The following FGD6 variants were observed in gnomAD, a reference collection of about 807,000 sequenced individuals.
The protein encoded by FGD6 is FYVE, RhoGEF and PH domain-containing protein 6.
FGD6 carries 90 observed loss-of-function variants against 149.4 expected under a neutral mutation model. That is an observed-to-expected ratio of 0.60 (90% CI 0.51 to 0.72). The LOEUF (loss-of-function observed/expected upper bound fraction) is 0.72. FGD6 is among the 30% of genes least tolerant of loss of function. FGD6 has a pLI of 0.00. For synonymous variants in FGD6, 527 were observed against 584.0 expected (o/e 0.90, Z 1.41); for missense variants, 1,437 against 1,684.8 (o/e 0.85, Z 2.57).
At chr12:95,173,846 CA>C (rs2136284287) in intron 2 of FGD6, among the ~76,000 whole-genome samples, 1 of 152,148 alleles carries the variant, frequency 6.6e-6, no homozygotes, top group South Asian at 2.1e-4. Context: ...ACTCAACAGC[CA>C]AGGTTACAAG....
At chr12:95,101,181 CA>C (rs11364960) in intron 14 of FGD6, 122,864 of 139,188 alleles carry the variant, frequency 0.88, 54,208 homozygotes, top group East Asian at 0.99. Context: ...ACTAAAAATA[CA>C]AAAAAAAAAA....
chr12:95,127,792 T>C (rs1351344643), intron 8 of FGD6, among the ~76,000 whole-genome samples: 1 of 152,182 alleles, frequency 6.6e-6, no homozygotes, highest in Non-Finnish European at 1.5e-5. Flanking sequence ...CATAAATATT[T>C]TGAACAAGAT....
intron 5 of FGD6, among the ~76,000 whole-genome samples, chr12:95,147,936 A>G (rs1451982471): frequency 6.6e-6 from 1 of 152,080 alleles, no homozygotes; most frequent in Non-Finnish European, 1.5e-5. Context: ...CTCTCTCCAC[A>G]AGTCCCTGAA....
At position 95,078,373 on chromosome 12, in the gene FGD6, A is replaced by C. The variant is rs996303617; in HGVS notation, c.*3147T>G. 3.9e-5 allele frequency: 6 copies of C among 152,248 alleles called. No homozygotes were observed. Among genetic ancestry groups the C allele is most frequent in the Non-Finnish European group, 8.8e-5 (6 of 68,042 alleles). 9.4% of individuals were successfully genotyped at this position (152,248 alleles called of 1,614,324 possible). A position where few individuals can be genotyped will look rare whatever the true frequency, so the allele number is the denominator to read the frequency against. On this transcript the variant is annotated 3_prime_UTR_variant, in exon 21 of 21. Coordinates refer to ENST00000343958, the MANE Select transcript of FGD6 (RefSeq NM_018351.4). ...GAAGCACACTCCAAAACATACCAAC[A>C]TATGCTGTGATATAACATTTACATT... is the stretch of plus-strand genomic sequence containing the variant.
chr12:95,172,778 T>C (rs773380955), intron 2 of FGD6, 34 bp from the exon 3 acceptor site: 8 of 1,526,980 alleles, frequency 5.2e-6, no homozygotes, highest in Non-Finnish European at 7.1e-6. Flanking sequence ...TTAGTCACCT[T>C]CAATAATAAG....
At chr12:95,120,319 AATTT>A (rs578241788) in intron 8 of FGD6, among the ~76,000 whole-genome samples, 4 of 151,750 alleles carry the variant, frequency 2.6e-5, no homozygotes, top group East Asian at 1.9e-4. Context: ...CAGGGAGAAT[AATTT>A]ATTTATTTAT....
chr12:95,186,257 T>C (rs1881433633), intron 2 of FGD6, among the ~76,000 whole-genome samples: 1 of 52,248 alleles, frequency 1.9e-5, no homozygotes, highest in Non-Finnish European at 3.2e-5. Context: ...TTTTTTTTTT[T>C]TTTTTTTTTG....
intron 8 of FGD6, among the ~76,000 whole-genome samples, chr12:95,133,442 C>G (rs1016558428): frequency 2.0e-5 from 3 of 152,276 alleles, no homozygotes; most frequent in East Asian, 3.9e-4. Flanking sequence ...TGTCACTAGG[C>G]AAGCTTTGAA....
chr12:95,130,153 AAAGT>A (rs1395526211), intron 8 of FGD6, among the ~76,000 whole-genome samples: 10 of 150,582 alleles, frequency 6.6e-5, no homozygotes, highest in Non-Finnish European at 1.3e-4. Context: ...ATAGAAACCC[AAAGT>A]AAGTCCAGAA....
chr12:95,169,288 C>T (rs1880918623), intron 3 of FGD6, among the ~76,000 whole-genome samples: 1 of 150,792 alleles, frequency 6.6e-6, no homozygotes, highest in Non-Finnish European at 1.5e-5. Flanking sequence ...GTCTGTAACA[C>T]AATCACATAA....
chr12:95,126,793 T>C (rs541787995), intron 8 of FGD6, among the ~76,000 whole-genome samples: 4 of 149,962 alleles, frequency 2.7e-5, no homozygotes, highest in African/African-American at 9.8e-5. Flanking sequence ...CCAGACGTGG[T>C]AGTGGGCACC....
chr12:95,188,515 G>T (rs929125652), intron 2 of FGD6, among the ~76,000 whole-genome samples: 1 of 151,902 alleles, frequency 6.6e-6, no homozygotes, highest in African/African-American at 2.4e-5. Context: ...AACCTCATAG[G>T]GACAGAGTTT....
chr12:95,100,321 A>G (rs1165250524), intron 14 of FGD6, among the ~76,000 whole-genome samples: 1 of 152,168 alleles, frequency 6.6e-6, no homozygotes, highest in Non-Finnish European at 1.5e-5. Flanking sequence ...CTTCCCTCAT[A>G]GCTCTCCATA....
At chr12:95,104,045 A>G (rs1024606132) in intron 14 of FGD6, among the ~76,000 whole-genome samples, 2 of 152,234 alleles carry the variant, frequency 1.3e-5, no homozygotes, top group African/African-American at 4.8e-5. Context: ...CTTAAAAACA[A>G]TTTGAAATAG....
At chr12:95,113,791 C>A in intron 8 of FGD6, 90 bp from the exon 9 acceptor site, 2 of 804,784 alleles carry the variant, frequency 2.5e-6, no homozygotes, top group Non-Finnish European at 4.0e-6. Context: ...ATTAGTCTTG[C>A]TGGTTAATAT....
intron 5 of FGD6, among the ~76,000 whole-genome samples, chr12:95,142,385 C>T (rs558001707): frequency 1.3e-5 from 2 of 152,072 alleles, no homozygotes; most frequent in Admixed American, 6.6e-5. Flanking sequence ...CCTTCTGATT[C>T]GCCCGCCTCA....
At chr12:95,192,251 G>C (rs1268278776) in intron 2 of FGD6, among the ~76,000 whole-genome samples, 1 of 152,138 alleles carries the variant, frequency 6.6e-6, no homozygotes, top group Non-Finnish European at 1.5e-5. Context: ...AGAGCAGAAT[G>C]TACATGTATT....
At chr12:95,175,018 A>G (rs1881095507) in intron 2 of FGD6, among the ~76,000 whole-genome samples, 1 of 151,828 alleles carries the variant, frequency 6.6e-6, no homozygotes, top group African/African-American at 2.4e-5. Flanking sequence ...TTGGAAGGCT[A>G]TTATTAAGAA....
intron 2 of FGD6, among the ~76,000 whole-genome samples, chr12:95,194,931 T>C (rs1421742743): frequency 6.6e-6 from 1 of 152,128 alleles, no homozygotes; most frequent in African/African-American, 2.4e-5. Flanking sequence ...AAAACAGTAA[T>C]AAACCACATT....
Sources: allele counts gnomAD v4.1 joint callset (sites outside exome capture counted in the v4.1 genomes callset), GRCh38; gene constraint gnomAD v4.1.1; transcripts MANE v1.5; gene names NCBI Gene and HGNC (gene_info 2026-07-23, HGNC 2026-07-21).